The following MAPK10 variants were observed in gnomAD, a reference collection of about 807,000 sequenced individuals.
The protein encoded by MAPK10 is JNK3 alpha protein kinase.
MAPK10 carries 25 observed loss-of-function variants against 59.3 expected under a neutral mutation model. The observed-to-expected ratio is 0.42, with a 90% CI of 0.31 to 0.59. The LOEUF (loss-of-function observed/expected upper bound fraction) is 0.59. Among genes scored for constraint, MAPK10 ranks in the 20% least tolerant of loss-of-function variants. MAPK10 has a pLI of 0.15. For synonymous variants in MAPK10, 190 were observed against 200.5 expected (o/e 0.95, Z 0.44); for missense variants, 351 against 568.9 (o/e 0.62, Z 3.90).
intron 1 of MAPK10, among the ~76,000 whole-genome samples, chr4:86,581,676 T>TTG (rs56210798): frequency 0.031 from 4,232 of 136,784 alleles, 76 homozygotes; most frequent in African/African-American, 0.053. Context: ...TTTTCAGTTA[T>TTG]TGTGTGTGTG....
At chr4:86,419,640 AT>A (rs1188508174) in intron 1 of MAPK10, among the ~76,000 whole-genome samples, 6 of 152,160 alleles carry the variant, frequency 3.9e-5, no homozygotes, top group African/African-American at 1.4e-4. Context: ...ATATCGATGA[AT>A]GATTTTTTTA....
intron 2 of MAPK10, chr4:86,327,749 G>A (rs1333220503): frequency 7.4e-6 from 1 of 134,774 alleles, no homozygotes; most frequent in African/African-American, 2.7e-5. Flanking sequence ...AGACCAGCCT[G>A]GCCAACCCTG....
intron 4 of MAPK10, chr4:86,107,773 A>G: frequency 2.5e-6 from 1 of 400,236 alleles, no homozygotes. Context: ...TTAATATATG[A>G]TATTTAATTT....
chr4:86,215,945 A>G (rs184513228), intron 2 of MAPK10, among the ~76,000 whole-genome samples: 1 of 152,250 alleles, frequency 6.6e-6, no homozygotes, highest in African/African-American at 2.4e-5. Context: ...TAAAAACCAA[A>G]CAATCAAAAC....
At chr4:86,318,244 G>T (rs927419254) in intron 2 of MAPK10, among the ~76,000 whole-genome samples, 2 of 152,034 alleles carry the variant, frequency 1.3e-5, no homozygotes, top group African/African-American at 2.4e-5. Flanking sequence ...CCTATTCAGG[G>T]TTGATTTTAT....
At position 86,474,343 on chromosome 4, in the gene MAPK10, T is replaced by C. The variant is rs541528371; in HGVS notation, c.-263+119567A>G. On this transcript the variant is annotated intron_variant, in intron 1 of 4. Transcript: ENST00000502302. ...GCTTGTATATACATTAATTGAGACA[T>C]CCTAAGGTTGAATCCATAGTGTTGA... 2.6e-5 allele frequency among the ~76,000 whole-genome samples: 4 copies of C among 152,308 alleles called. No homozygotes were observed. The South Asian group carries it at 8.3e-4, about 32-fold the overall frequency.
At chr4:86,379,738 T>A (rs572191254) in intron 1 of MAPK10, among the ~76,000 whole-genome samples, 2 of 152,212 alleles carry the variant, frequency 1.3e-5, no homozygotes, top group South Asian at 4.1e-4. Context: ...CTATAATCTA[T>A]AGAAACAATG....
At chr4:86,367,243 T>C (rs1738042644) in intron 1 of MAPK10, among the ~76,000 whole-genome samples, 1 of 152,154 alleles carries the variant, frequency 6.6e-6, no homozygotes, top group South Asian at 2.1e-4. Flanking sequence ...CAATAGAACA[T>C]GCTGACTGAT....
intron 2 of MAPK10, among the ~76,000 whole-genome samples, chr4:86,319,377 G>A (rs2095847700): frequency 6.6e-6 from 1 of 152,140 alleles, no homozygotes; most frequent in Non-Finnish European, 1.5e-5. Context: ...TAGCAAGGAT[G>A]GAGACATACA....
intron 1 of MAPK10, among the ~76,000 whole-genome samples, chr4:86,421,168 A>T (rs1301759274): frequency 6.6e-6 from 1 of 152,106 alleles, no homozygotes; most frequent in Non-Finnish European, 1.5e-5. Context: ...CTTAAAATGA[A>T]CAATAGGAGT....
chr4:86,420,667 T>C (rs752865739), intron 1 of MAPK10, among the ~76,000 whole-genome samples: 2 of 152,092 alleles, frequency 1.3e-5, no homozygotes, highest in African/African-American at 2.4e-5. Context: ...CATACATCTG[T>C]AGTCCCAGCT....
At chr4:86,456,904 C>G (rs1263182797), upstream of MAPK10, among the ~76,000 whole-genome samples, 2 of 152,108 alleles carry the variant, frequency 1.3e-5, no homozygotes, top group African/African-American at 4.8e-5. Context: ...TGCTAAAATC[C>G]TTAACAAAAT....
intron 1 of MAPK10, among the ~76,000 whole-genome samples, chr4:86,504,033 C>T (rs1755529501): frequency 6.6e-6 from 1 of 152,054 alleles, no homozygotes; most frequent in African/African-American, 2.4e-5. Context: ...GTAGAGAGTT[C>T]TCTCTCCAAT....
intron 1 of MAPK10, among the ~76,000 whole-genome samples, chr4:86,400,107 T>C (rs2904095): frequency 0.2 from 30,219 of 152,130 alleles, 3,088 homozygotes; most frequent in South Asian, 0.28. Context: ...TCACATTTTA[T>C]GGTCATATCA....
intron 8 of MAPK10, chr4:86,099,236 T>C (rs998999086): frequency 1.4e-4 from 21 of 152,284 alleles, no homozygotes; most frequent in Admixed American, 1.4e-3. Flanking sequence ...ATTTGAAATA[T>C]TTCAAGAAAA....
intron 1 of MAPK10, among the ~76,000 whole-genome samples, chr4:86,397,355 T>C (rs538968091): frequency 1.3e-4 from 20 of 152,292 alleles, no homozygotes; most frequent in African/African-American, 4.8e-4. Context: ...GTGTTACAGA[T>C]AGATGGATAT....
chr4:86,511,815 A>G (rs943331310), intron 1 of MAPK10, among the ~76,000 whole-genome samples: 2 of 149,048 alleles, frequency 1.3e-5, no homozygotes, highest in African/African-American at 4.9e-5. Flanking sequence ...GGAAGGAAAC[A>G]AGGAAGGAAG....
intron 1 of MAPK10, among the ~76,000 whole-genome samples, chr4:86,419,679 GA>G (rs1746271394): frequency 6.6e-6 from 1 of 152,056 alleles, no homozygotes; most frequent in African/African-American, 2.4e-5. Context: ...TTTTATAAGA[GA>G]ATGTTCACTG....
chr4:86,560,583 G>A (rs755840992), intron 1 of MAPK10, among the ~76,000 whole-genome samples: 41 of 152,262 alleles, frequency 2.7e-4, no homozygotes, highest in Middle Eastern at 3.4e-3. Context: ...GGTCAATTTC[G>A]CCACTGGGGC....
Sources: gnomAD v4.1 joint callset for allele counts (sites outside exome capture counted in the v4.1 genomes callset) on GRCh38, gnomAD v4.1.1 for gene constraint, MANE v1.5 for transcripts, NCBI Gene and HGNC (gene_info 2026-07-23, HGNC 2026-07-21) for gene names.